The following SCP2 variants were observed in gnomAD, a reference collection of about 807,000 sequenced individuals.
SCP2 encodes SCP-2/3-oxoacyl-CoA thiolase.
SCP2 carries 48 observed loss-of-function variants against 71.4 expected under a neutral mutation model. That is an observed-to-expected ratio of 0.67 (90% CI 0.53 to 0.86). The LOEUF (loss-of-function observed/expected upper bound fraction) is 0.86, where lower values mean the gene tolerates loss of function less well. SCP2 is among the 40% of genes least tolerant of loss of function. The pLI is 0.00. For missense variants in SCP2, 560 were observed against 655.6 expected, an observed-to-expected ratio of 0.85 and a Z score of 1.59; for synonymous variants, 220 against 218.1, an observed-to-expected ratio of 1.01 and a Z score of -0.08.
intron 14 of SCP2, among the ~76,000 whole-genome samples, chr1:53,047,304 A>T (rs1663883216): frequency 6.6e-6 from 1 of 152,218 alleles, no homozygotes; most frequent in South Asian, 2.1e-4. Context: ...CAAGAGTGAC[A>T]TCTCATTATC....
At chr1:53,025,015 A>G (rs957136535) in intron 12 of SCP2, among the ~76,000 whole-genome samples, 2 of 152,014 alleles carry the variant, frequency 1.3e-5, no homozygotes, top group South Asian at 4.2e-4. Context: ...ACTAAGACTA[A>G]TGTCTCAAAA....
rs577227787 is a variant in SCP2 at position 53,021,426 on chromosome 1, C to T, written c.1235+6383C>T. ...TTGCCTCCCGGGTTCAAGCAATTCT[C>T]CTGCCTCAGCCTCTTGAGTAGCTGG... On this transcript the variant is annotated intron_variant, in intron 12 of 15. Coordinates refer to ENST00000371514, the MANE Select transcript of SCP2 (RefSeq NM_002979.5). Among the ~76,000 whole-genome samples the T allele has an allele frequency of 4.0e-5, 6 of 150,402 alleles. 1 individual carries two copies. The highest frequency in any genetic ancestry group is 1.2e-4 in the African/African-American group (5 of 40,770).
At chr1:52,948,421 G>A (rs1196229386) in intron 3 of SCP2, among the ~76,000 whole-genome samples, 2 of 151,962 alleles carry the variant, frequency 1.3e-5, no homozygotes, top group African/African-American at 2.4e-5. Context: ...CGAGGCAGGC[G>A]GATCACGAGG....
In SCP2 at chr1:53,047,903, T is replaced by G; in HGVS notation, c.1514T>G (p.Leu505Arg). 6.2e-7 allele frequency: 1 copy of G among 1,613,600 alleles called. No homozygotes were observed. Among genetic ancestry groups the G allele is most frequent in the East Asian group, 2.2e-5 (1 of 44,888 alleles). Reference sequence around the variant, plus strand: ...ATCACAATGGCTGACTCAGACTTCCTGGCTTTAATGACTGGTAAAATGAAT... The same window carrying G: ...ATCACAATGGCTGACTCAGACTTCCGGGCTTTAATGACTGGTAAAATGAAT... ...CTITMADSDF[L>R]ALMTGKMNPQ... is the part of the protein sequence containing the mutation. Residue 505 changes from leucine to arginine, a missense_variant, in exon 15 of 16, where the codon CTG (leucine) becomes CGG (arginine). Coordinates refer to ENST00000371514, the MANE Select transcript of SCP2 (RefSeq NM_002979.5).
rs759921110 is a variant in SCP2 at position 52,953,491 on chromosome 1, G to T, written c.332-1249G>T. The stretch of plus-strand genomic sequence containing the variant: ...AGTATTAATAATTGGGATCATAGGC[G>T]TGCGCCACCATACCCAACTAATTTT... On this transcript the variant is annotated intron_variant, in intron 4 of 15. Transcript: ENST00000371514. Among the ~76,000 whole-genome samples the T allele has an allele frequency of 2.0e-5, 3 of 151,778 alleles. No individual in the cohort carries two copies. The East Asian group carries it at 5.8e-4, about 29-fold the overall frequency.
intron 11 of SCP2, chr1:52,995,238 G>T (rs557874466): frequency 4.0e-5 from 20 of 499,520 alleles, no homozygotes; most frequent in African/African-American, 3.9e-4. Flanking sequence ...CACCCAAAGT[G>T]TCTGACACCG....
intron 6 of SCP2, 140 bp from the exon 7 acceptor site, chr1:52,974,629 G>T: frequency 1.4e-6 from 1 of 701,570 alleles, no homozygotes; most frequent in Admixed American, 2.1e-5. Context: ...AGGGAACAGT[G>T]CTGAAGTCTT....
intron 6 of SCP2, among the ~76,000 whole-genome samples, chr1:52,974,236 T>A (rs1657746965): frequency 6.6e-6 from 1 of 152,326 alleles, no homozygotes; most frequent in South Asian, 2.1e-4. Flanking sequence ...TACTGTACTT[T>A]TTTTTGTTTT....
In SCP2 at chr1:52,948,136, T is replaced by G. The variant is rs1482942870; in HGVS notation, c.199+56T>G. ...TTTTACCTAAATCTAGCAGCAACTA[T>G]ACAAACAATGCGGAGGCATTTGTGA... On this transcript the variant is annotated intron_variant, in intron 3 of 15. Transcript: ENST00000371514. 5 of 1,028,764 alleles carry G rather than the reference T, an allele frequency of 4.9e-6. No homozygotes were observed. In the East Asian group the frequency reaches 1.2e-4, roughly 24 times the overall value. The allele number at this position is 1,028,764 out of a possible 1,614,324, so 63.7% of individuals were successfully genotyped here. A position where few individuals can be genotyped will look rare whatever the true frequency, so the allele number is the denominator to read the frequency against.
At chr1:53,031,749 G>A (rs12075895) in intron 13 of SCP2, among the ~76,000 whole-genome samples, 12,415 of 152,134 alleles carry the variant, frequency 0.082, 766 homozygotes, top group East Asian at 0.21. Context: ...TTTTATTGTC[G>A]AAGGGATGTG....
chr1:53,010,975 T>C lies in SCP2; in HGVS notation c.1082-3915T>C, dbSNP rs143000422. 6.2e-3 allele frequency among the ~76,000 whole-genome samples: 950 copies of C among 152,274 alleles called. 16 individuals carry two copies. The highest frequency in any genetic ancestry group is 0.022 in the African/African-American group (914 of 41,552). On this transcript the variant is annotated intron_variant, in intron 11 of 15. Coordinates refer to ENST00000371514, the MANE Select transcript of SCP2 (RefSeq NM_002979.5). ...TGCACCCAGGTGAAATAAACAGCCT[T>C]GTTGCTCACACAAAGCCTGTTGGGT...
At chr1:52,932,114 A>G (rs1299622990) in intron 1 of SCP2, among the ~76,000 whole-genome samples, 1 of 152,220 alleles carries the variant, frequency 6.6e-6, no homozygotes, top group Admixed American at 6.5e-5. Flanking sequence ...TCCAATATCT[A>G]GTTAATGAGT....
Position 53,051,624 on chromosome 1 carries a change from A to T in SCP2, c.*920A>T, listed in dbSNP as rs1307915219. On this transcript the variant is annotated 3_prime_UTR_variant, in exon 16 of 16. Coordinates refer to ENST00000371514, the MANE Select transcript of SCP2 (RefSeq NM_002979.5). ...ACTTTTTCTGGCCTCTCTTGTTTTT[A>T]CTGTGTATGTTCTTGCTCAGGGCTC... 6.8e-6 allele frequency: 1 copy of T among 148,092 alleles called. No homozygotes were observed. The highest frequency in any genetic ancestry group is 1.5e-5 in the Non-Finnish European group (1 of 67,728). 9.2% of individuals were successfully genotyped at this position (148,092 alleles called of 1,614,324 possible).
In SCP2 at chr1:52,934,592, CTTTTTTTTTTTTTTTTTTTTTTTTT is replaced by C. The variant is rs771433635; in HGVS notation, c.69+7141_69+7165del. 9.7e-3 allele frequency among the ~76,000 whole-genome samples: 282 copies of C among 29,060 alleles called. 4 individuals carry two copies. Among genetic ancestry groups the C allele is most frequent in the Middle Eastern group, 0.045 (1 of 22 alleles). The allele number at this position is 29,060 out of a possible 152,430, so 19.1% of individuals were successfully genotyped here. On this transcript the variant is annotated intron_variant, in intron 1 of 15. Coordinates refer to ENST00000371514, the MANE Select transcript of SCP2 (RefSeq NM_002979.5). ...GTTTCAAATTCTACATTCCAGCTAA[CTTTTTTTTTTTTTTTTTTTTTTTTT>C]TTTTTTTTTTTTTGAGACGGAGTCT...
chr1:52,992,559 T>C (rs1395770971), intron 11 of SCP2, among the ~76,000 whole-genome samples: 1 of 152,180 alleles, frequency 6.6e-6, no homozygotes, highest in Non-Finnish European at 1.5e-5. Flanking sequence ...GTCCAAATAT[T>C]TGACCACGTA....
Position 52,974,751 on chromosome 1 carries a change from T to A in SCP2, c.524-18T>A, listed in dbSNP as rs751962021. The A allele has an allele frequency of 7.3e-7, 1 of 1,375,348 alleles. No homozygotes were observed. The highest frequency in any genetic ancestry group is 1.2e-5 in the South Asian group (1 of 86,212). The allele number at this position is 1,375,348 out of a possible 1,614,324, so 85.2% of individuals were successfully genotyped here. A position where few individuals can be genotyped will look rare whatever the true frequency, so the allele number is the denominator to read the frequency against. ...GGAAAAACATTCACCCACTGGTAGA[T>A]GTTTGCTTTCTTTACAGGAACAAAA... On this transcript the variant is annotated intron_variant, in intron 6 of 15. Coordinates refer to ENST00000371514, the MANE Select transcript of SCP2 (RefSeq NM_002979.5).
chr1:52,970,912 T>A (rs1657412730), intron 6 of SCP2, among the ~76,000 whole-genome samples: 1 of 151,576 alleles, frequency 6.6e-6, no homozygotes, highest in Admixed American at 6.6e-5. Flanking sequence ...TGATTTGTGC[T>A]ATTTTATTTT....
rs201228269 is a variant in SCP2, at chr1:52,984,390, GT to G, written c.974-3631del. Among the ~76,000 whole-genome samples, 171 of 151,866 alleles carry G rather than the reference GT, an allele frequency of 1.1e-3. 1 individual carries two copies. Among genetic ancestry groups the G allele is most frequent in the African/African-American group, 3.7e-3 (154 of 41,420 alleles). ...ATTTACTTTTCAGAGTCCTCAGGCA[GT>G]TTTTTTTATTTTTATTTTTATATCC... On this transcript the variant is annotated intron_variant, in intron 10 of 15. Coordinates refer to ENST00000371514, the MANE Select transcript of SCP2 (RefSeq NM_002979.5).
chr1:53,029,299 T>C (rs1381415728), intron 13 of SCP2, among the ~76,000 whole-genome samples: 1 of 151,694 alleles, frequency 6.6e-6, no homozygotes, highest in East Asian at 1.9e-4. Context: ...AGTCTCACTT[T>C]GTCGCCCAGA....
Sources: allele counts gnomAD v4.1 joint callset (sites outside exome capture counted in the v4.1 genomes callset), GRCh38; gene constraint gnomAD v4.1.1; transcripts MANE v1.5; gene names NCBI Gene and HGNC (gene_info 2026-07-23, HGNC 2026-07-21).